CMSS1: variants seen among roughly 807,000 people sequenced by gnomAD.
CMSS1 encodes the protein cms1 ribosomal small subunit homolog, also known as protein CMSS1.
CMSS1 carries 33 observed loss-of-function variants against 43.5 expected under a neutral mutation model. That is an observed-to-expected ratio of 0.76 (90% CI 0.57 to 1.01). The LOEUF is 1.01. CMSS1 is among the 50% of genes least tolerant of loss of function. CMSS1 has a pLI of 0.00. For synonymous variants in CMSS1, 115 were observed against 117.2 expected (o/e 0.98, Z 0.12); for missense variants, 313 against 326.4 (o/e 0.96, Z 0.32).
intron 1 of CMSS1, among the ~76,000 whole-genome samples, chr3:99,893,277 T>C (rs1178106666): frequency 6.6e-6 from 1 of 150,946 alleles, no homozygotes; most frequent in African/African-American, 2.4e-5. Context: ...GCCATTCTCC[T>C]GTCTCAGCCT....
Position 100,178,524 on chromosome 3 carries a change from T to G in CMSS1, c.*136T>G, listed in dbSNP as rs760100501. 3 of 589,554 alleles carry G rather than the reference T, an allele frequency of 5.1e-6. No individual in the cohort carries two copies. The highest frequency in any genetic ancestry group is 9.1e-6 in the Non-Finnish European group (3 of 329,722). The allele number at this position is 589,554 out of a possible 1,614,324, so 36.5% of individuals were successfully genotyped here. On this transcript the variant is annotated 3_prime_UTR_variant, in exon 10 of 10. Transcript: ENST00000421999. ...TGTGTCAACAGATGGATCACTGGAA[T>G]GTGGGGATTCTGAAACAGAAATGAA...
At chr3:99,978,872 G>C (rs537840634) in intron 1 of CMSS1, among the ~76,000 whole-genome samples, 5 of 151,818 alleles carry the variant, frequency 3.3e-5, no homozygotes, top group African/African-American at 1.2e-4. Context: ...GCAACAGAGC[G>C]AGACTCTTGT....
chr3:99,915,062 A>G (rs1706909847), intron 1 of CMSS1, among the ~76,000 whole-genome samples: 1 of 151,942 alleles, frequency 6.6e-6, no homozygotes, highest in Admixed American at 6.6e-5. Flanking sequence ...TTTTTCTTCT[A>G]GCTCCATGAT....
intron 1 of CMSS1, among the ~76,000 whole-genome samples, chr3:99,974,751 GT>G (rs1708921637): frequency 6.6e-6 from 1 of 152,034 alleles, no homozygotes; most frequent in Admixed American, 6.6e-5. Flanking sequence ...CATGTTTGGA[GT>G]GGAAAAAACC....
intron 1 of CMSS1, among the ~76,000 whole-genome samples, chr3:99,983,476 A>ATATGTGTATGTG (rs1709224540): frequency 1.8e-4 from 3 of 16,686 alleles, no homozygotes; most frequent in African/African-American, 6.6e-4. Flanking sequence ...ATATATATAT[A>ATATGTGTATGTG]TATATATATA....
chr3:99,885,190 AG>A (rs1262146319), intron 1 of CMSS1, among the ~76,000 whole-genome samples: 1 of 152,234 alleles, frequency 6.6e-6, no homozygotes, highest in African/African-American at 2.4e-5. Context: ...ACACAGAAGC[AG>A]CCTTCAGTTA....
Position 100,062,093 on chromosome 3 carries a change from C to CTTTTTTTTTTTTTTTTTTTT in CMSS1, c.65-84863_65-84844dup, listed in dbSNP as rs71907944. Among the ~76,000 whole-genome samples the CTTTTTTTTTTTTTTTTTTTT allele has an allele frequency of 1.3e-3, 71 of 53,178 alleles. 15 individuals carry two copies. The highest frequency in any genetic ancestry group is 1.9e-3 in the Non-Finnish European group (56 of 29,472). 34.9% of individuals were successfully genotyped at this position (53,178 alleles called of 152,430 possible). Reference sequence around the variant, plus strand: ...CCACTTGTGGTTATCCTGTCTTCTTCTTTTTTTTTTTTTTTTTTTTTTTTT... The same window carrying CTTTTTTTTTTTTTTTTTTTT: ...CCACTTGTGGTTATCCTGTCTTCTTCTTTTTTTTTTTTTTTTTTTTTTTTTTTTTTTTTTTTTTTTTTTTT... On this transcript the variant is annotated intron_variant, in intron 1 of 9. Coordinates refer to ENST00000421999, the MANE Select transcript of CMSS1 (RefSeq NM_032359.4).
intron 1 of CMSS1, among the ~76,000 whole-genome samples, chr3:99,881,659 A>G (rs1460526532): frequency 6.6e-6 from 1 of 151,724 alleles, no homozygotes; most frequent in Non-Finnish European, 1.5e-5. Flanking sequence ...CAGCCTCCCT[A>G]GTAGCTGGGA....
intron 1 of CMSS1, among the ~76,000 whole-genome samples, chr3:100,118,606 A>G (rs2066594834): frequency 1.3e-5 from 2 of 152,148 alleles, no homozygotes; most frequent in African/African-American, 2.4e-5. Flanking sequence ...GTCTCAGCCT[A>G]TGTAGATCCT....
chr3:100,016,776 T>C (rs1436270518), intron 1 of CMSS1, among the ~76,000 whole-genome samples: 1 of 152,236 alleles, frequency 6.6e-6, no homozygotes, highest in African/African-American at 2.4e-5. Flanking sequence ...AAAGTTGCTA[T>C]AAACTTATAA....
intron 1 of CMSS1, among the ~76,000 whole-genome samples, chr3:100,112,388 C>T (rs1335535739): frequency 6.6e-6 from 1 of 152,154 alleles, no homozygotes; most frequent in Non-Finnish European, 1.5e-5. Context: ...GTTGCAATGG[C>T]AGTCTCCTAC....
chr3:100,174,997 T>A (rs1286087109), intron 8 of CMSS1, among the ~76,000 whole-genome samples: 1 of 152,246 alleles, frequency 6.6e-6, no homozygotes, highest in Non-Finnish European at 1.5e-5. Flanking sequence ...CTGCATCTCA[T>A]AACTTTATAA....
chr3:100,032,251 G>A lies in CMSS1; in HGVS notation c.65-114722G>A, dbSNP rs77447565. ...TCTTTCAGAGAGAGCAGATGGATGC[G>A]TTGGCCCTTGATTCTGTTTTAGGTA... On this transcript the variant is annotated intron_variant, in intron 1 of 9. Coordinates refer to ENST00000421999, the MANE Select transcript of CMSS1 (RefSeq NM_032359.4). 2.0e-5 allele frequency among the ~76,000 whole-genome samples: 3 copies of A among 152,310 alleles called. 1 individual carries two copies. The highest frequency in any genetic ancestry group is 1.9e-4 in the East Asian group (1 of 5,190).
chr3:100,105,428 A>T (rs949923113), intron 1 of CMSS1, among the ~76,000 whole-genome samples: 1 of 152,206 alleles, frequency 6.6e-6, no homozygotes, highest in African/African-American at 2.4e-5. Context: ...TGCAATTCGT[A>T]TCTAACAATT....
At chr3:100,082,480 T>G (rs1463943142) in intron 1 of CMSS1, among the ~76,000 whole-genome samples, 1 of 152,194 alleles carries the variant, frequency 6.6e-6, no homozygotes, top group African/African-American at 2.4e-5. Flanking sequence ...TATTTTCTTC[T>G]ATCAGTGAGA....
At chr3:99,841,758 A>C (rs1021160756) in intron 1 of CMSS1, among the ~76,000 whole-genome samples, 2 of 152,256 alleles carry the variant, frequency 1.3e-5, no homozygotes, top group African/African-American at 4.8e-5. Flanking sequence ...ATTATCAGGG[A>C]AATGCAAATC....
At chr3:99,820,838 G>A (rs143209999) in intron 1 of CMSS1, among the ~76,000 whole-genome samples, 73 of 152,296 alleles carry the variant, frequency 4.8e-4, no homozygotes, top group African/African-American at 1.6e-3. Context: ...ATTATGTTTT[G>A]TTTTGAAAGT....
intron 1 of CMSS1, among the ~76,000 whole-genome samples, chr3:99,989,043 C>A (rs1234095754): frequency 6.6e-6 from 1 of 152,182 alleles, no homozygotes; most frequent in East Asian, 1.9e-4. Flanking sequence ...TTTTTCTCAA[C>A]AAATTCTTCC....
intron 1 of CMSS1, among the ~76,000 whole-genome samples, chr3:99,932,233 T>C (rs535686167): frequency 1.3e-5 from 2 of 152,332 alleles, no homozygotes; most frequent in African/African-American, 4.8e-5. Context: ...GTATTTATCA[T>C]TCCCCTGTAT....
Sources: gnomAD v4.1 joint callset for allele counts (sites outside exome capture counted in the v4.1 genomes callset) on GRCh38, gnomAD v4.1.1 for gene constraint, MANE v1.5 for transcripts, NCBI Gene and HGNC (gene_info 2026-07-23, HGNC 2026-07-21) for gene names.